The following GRM7 variants were observed in gnomAD, a reference collection of about 807,000 sequenced individuals.
GRM7 encodes the protein glutamate metabotropic receptor 7.
A neutral mutation model predicts 84.5 loss-of-function variants in GRM7; 35 were observed. The observed-to-expected ratio is 0.41, with a 90% confidence interval of 0.32 to 0.55. The LOEUF (loss-of-function observed/expected upper bound fraction) is 0.55, where lower values mean the gene tolerates loss of function less well. Ranked by LOEUF, GRM7 falls within the 20% of genes least tolerant of loss-of-function variation. The pLI is 0.19. For synonymous variants in GRM7, 487 were observed against 455.1 expected, an observed-to-expected ratio of 1.07 and a Z score of -0.89; for missense variants, 1,003 against 1,194.6, an observed-to-expected ratio of 0.84 and a Z score of 2.36.
chr3:7,516,028 A>G (rs930157107), intron 7 of GRM7, among the ~76,000 whole-genome samples: 44 of 151,984 alleles, frequency 2.9e-4, no homozygotes, highest in African/African-American at 9.4e-4. Context: ...TTAAGTTGAC[A>G]TGGTGGTACA....
At chr3:7,002,647 T>C (rs986508651) in intron 1 of GRM7, among the ~76,000 whole-genome samples, 1 of 152,118 alleles carries the variant, frequency 6.6e-6, no homozygotes, top group Non-Finnish European at 1.5e-5. Context: ...AGAATGTGAA[T>C]AGTATAGGAT....
intron 1 of GRM7, among the ~76,000 whole-genome samples, chr3:6,937,668 G>T (rs1030355024): frequency 4.6e-5 from 7 of 152,132 alleles, no homozygotes; most frequent in African/African-American, 1.4e-4. Context: ...TCTGTGATTT[G>T]CTTACAGGGG....
chr3:6,928,945 A>C lies in GRM7; in HGVS notation c.519+67038A>C, dbSNP rs1391844451. 6.6e-6 allele frequency among the ~76,000 whole-genome samples: 1 copy of C among 152,188 alleles called. No individual in the cohort carries two copies. Among genetic ancestry groups the C allele is most frequent in the African/African-American group, 2.4e-5 (1 of 41,454 alleles). On this transcript the variant is annotated intron_variant, in intron 1 of 9. Coordinates refer to ENST00000357716, the MANE Select transcript of GRM7 (RefSeq NM_000844.4). The surrounding 1 kb of genome is among the most constrained non-coding windows in gnomAD (Gnocchi z 4.5). Reference sequence around the variant, plus strand: ...CAGTTTTGATTAGATGCCTTGGGTCAGTGCTTAGTTAATATCTTGCACCAC... The same window carrying C: ...CAGTTTTGATTAGATGCCTTGGGTCCGTGCTTAGTTAATATCTTGCACCAC...
At chr3:6,953,654 C>T (rs1206734627) in intron 1 of GRM7, among the ~76,000 whole-genome samples, 1 of 152,200 alleles carries the variant, frequency 6.6e-6, no homozygotes, top group Admixed American at 6.5e-5. Flanking sequence ...GTATCAAAAT[C>T]ACACATCACA....
intron 5 of GRM7, among the ~76,000 whole-genome samples, chr3:7,451,071 T>C (rs1174869144): frequency 6.6e-6 from 1 of 152,192 alleles, no homozygotes; most frequent in Non-Finnish European, 1.5e-5. Flanking sequence ...TCTTATTGTT[T>C]CTTCACTACA....
chr3:6,881,709 G>A (rs1226153462), intron 1 of GRM7, among the ~76,000 whole-genome samples: 1 of 152,044 alleles, frequency 6.6e-6, no homozygotes, highest in Non-Finnish European at 1.5e-5. Context: ...CTGATCATTA[G>A]AGAAATGCAA....
At chr3:7,356,641 C>T (rs899130936) in intron 4 of GRM7, among the ~76,000 whole-genome samples, 14 of 152,026 alleles carry the variant, frequency 9.2e-5, no homozygotes, top group Admixed American at 6.6e-5. Flanking sequence ...GATAGGCTGA[C>T]CCTTTTTTAG....
chr3:7,232,057 A>T (rs1221478691), intron 2 of GRM7, among the ~76,000 whole-genome samples: 1 of 152,180 alleles, frequency 6.6e-6, no homozygotes, highest in Non-Finnish European at 1.5e-5. Flanking sequence ...GAGAAGCAGG[A>T]AATAGAAGAT....
Position 7,451,377 on chromosome 3 carries a change from C to T in GRM7, c.1175-1230C>T, listed in dbSNP as rs148632599. Reference sequence around the variant, plus strand: ...TATAAGCAAGATTTGAAATGTTTTACGGGAATGTTGAATTGCGACTGAGCG... The same window carrying T: ...TATAAGCAAGATTTGAAATGTTTTATGGGAATGTTGAATTGCGACTGAGCG... On this transcript the variant is annotated intron_variant, in intron 5 of 9. Coordinates refer to ENST00000357716, the MANE Select transcript of GRM7 (RefSeq NM_000844.4). 7.5e-4 allele frequency among the ~76,000 whole-genome samples: 114 copies of T among 152,158 alleles called. 1 individual carries two copies. The highest frequency in any genetic ancestry group is 2.5e-3 in the African/African-American group (102 of 41,504).
In GRM7 at chr3:7,637,786, A is replaced by C. The variant is rs71308559; in HGVS notation, c.2452-42263A>C. Among the ~76,000 whole-genome samples, 333 of 152,320 alleles carry C rather than the reference A, an allele frequency of 2.2e-3. 1 individual carries two copies. The highest frequency in any genetic ancestry group is 3.9e-3 in the Non-Finnish European group (268 of 68,022). On this transcript the variant is annotated intron_variant, in intron 8 of 9. Transcript: ENST00000357716. ...CAAGAATGACAGCAACAGCTAGTGCAATATTAGCACTGAAATGCAAAGACA... is the reference window on the plus strand; with the variant it reads ...CAAGAATGACAGCAACAGCTAGTGCCATATTAGCACTGAAATGCAAAGACA...
intron 7 of GRM7, among the ~76,000 whole-genome samples, chr3:7,520,650 A>G (rs1247768119): frequency 6.6e-6 from 1 of 152,178 alleles, no homozygotes; most frequent in African/African-American, 2.4e-5. Context: ...CAGGGTATAG[A>G]AGACAGGTTT....
At chr3:7,155,192 A>G (rs1282300137) in intron 2 of GRM7, among the ~76,000 whole-genome samples, 1 of 152,154 alleles carries the variant, frequency 6.6e-6, no homozygotes, top group African/African-American at 2.4e-5. Flanking sequence ...CTAGTGACTC[A>G]TGGCACTTGC....
At chr3:7,685,585 A>G (rs1700548856) in intron 9 of GRM7, among the ~76,000 whole-genome samples, 1 of 152,192 alleles carries the variant, frequency 6.6e-6, no homozygotes, top group East Asian at 1.9e-4. Context: ...AACACATTGT[A>G]TGATGAACCA....
intron 2 of GRM7, among the ~76,000 whole-genome samples, chr3:7,216,411 T>C (rs1221280143): frequency 2.0e-5 from 3 of 152,160 alleles, no homozygotes; most frequent in Non-Finnish European, 2.9e-5. Context: ...TAAGGGGAGA[T>C]TTTAAAACAT....
At chr3:7,157,804 G>C (rs1178004657) in intron 2 of GRM7, among the ~76,000 whole-genome samples, 1 of 151,532 alleles carries the variant, frequency 6.6e-6, no homozygotes, top group African/African-American at 2.4e-5. Flanking sequence ...TTGAAATGTA[G>C]AAGCGGCAGA....
At chr3:7,372,498 G>C (rs79581781) in intron 4 of GRM7, among the ~76,000 whole-genome samples, 178 of 152,238 alleles carry the variant, frequency 1.2e-3, no homozygotes, top group African/African-American at 4.1e-3. Context: ...TTACTCTTGG[G>C]TCTACAGATG....
At chr3:7,332,288 A>G (rs1036028204) in intron 4 of GRM7, among the ~76,000 whole-genome samples, 11 of 152,204 alleles carry the variant, frequency 7.2e-5, no homozygotes, top group African/African-American at 2.4e-4. Flanking sequence ...GGAGGAGAAT[A>G]GACAATTTAT....
intron 4 of GRM7, among the ~76,000 whole-genome samples, chr3:7,407,958 C>T (rs1468952726): frequency 2.0e-5 from 3 of 152,190 alleles, no homozygotes; most frequent in African/African-American, 4.8e-5. Context: ...TACACACTTA[C>T]ATGCTGGACA....
chr3:6,905,701 A>G (rs1441563808), intron 1 of GRM7, among the ~76,000 whole-genome samples: 1 of 152,144 alleles, frequency 6.6e-6, no homozygotes, highest in African/African-American at 2.4e-5. Context: ...AAATATTAGC[A>G]TGGTAATTTT....
Sources: allele counts gnomAD v4.1 joint callset (sites outside exome capture counted in the v4.1 genomes callset), GRCh38; gene constraint gnomAD v4.1.1; non-coding constraint Gnocchi (gnomAD v3.1); transcripts MANE v1.5; gene names NCBI Gene and HGNC (gene_info 2026-07-23, HGNC 2026-07-21).